Variants in FBXL17 observed in about 807,000 individuals in gnomAD.
FBXL17 encodes the protein F-box and leucine rich repeat protein 17.
FBXL17 carries 22 observed loss-of-function variants against 66.2 expected under a neutral mutation model. That is an observed-to-expected ratio of 0.33 (90% CI 0.24 to 0.47). FBXL17 has a LOEUF of 0.47. Among genes scored for constraint, FBXL17 ranks in the 20% least tolerant of loss-of-function variants. The pLI, the probability that FBXL17 is intolerant of heterozygous loss-of-function variation, is 1.00. For synonymous variants in FBXL17, 474 were observed against 400.5 expected (o/e 1.18, Z -2.19); for missense variants, 878 against 948.2 (o/e 0.93, Z 0.97).
intron 4 of FBXL17, among the ~76,000 whole-genome samples, chr5:108,347,607 T>C (rs1747367334): frequency 6.6e-6 from 1 of 152,164 alleles, no homozygotes; most frequent in Non-Finnish European, 1.5e-5. Flanking sequence ...ATTCCATTTA[T>C]ACAAAATATC....
chr5:108,115,923 T>C (rs2149958599), intron 6 of FBXL17, among the ~76,000 whole-genome samples: 1 of 152,300 alleles, frequency 6.6e-6, no homozygotes, highest in Non-Finnish European at 1.5e-5. Context: ...TTGTCCAAAA[T>C]CACACTGAAA....
chr5:108,337,741 G>C (rs1208603774), intron 4 of FBXL17, among the ~76,000 whole-genome samples: 1 of 150,254 alleles, frequency 6.7e-6, no homozygotes, highest in African/African-American at 2.4e-5. Flanking sequence ...ACAGAGACTA[G>C]TAACTGAAGA....
At chr5:108,109,361 C>T (rs1749942305) in intron 6 of FBXL17, among the ~76,000 whole-genome samples, 1 of 152,092 alleles carries the variant, frequency 6.6e-6, no homozygotes, top group Non-Finnish European at 1.5e-5. Context: ...AAGGAACATC[C>T]TCATGTCTGA....
intron 5 of FBXL17, among the ~76,000 whole-genome samples, chr5:108,207,144 C>T (rs1463228197): frequency 3.3e-5 from 5 of 151,994 alleles, no homozygotes; most frequent in Non-Finnish European, 7.4e-5. Context: ...GTGGTCTCCC[C>T]GACCCCCTCA....
intron 7 of FBXL17, among the ~76,000 whole-genome samples, chr5:108,004,837 C>CTA (rs1400649953): frequency 2.6e-5 from 4 of 152,082 alleles, no homozygotes; most frequent in African/African-American, 9.7e-5. Flanking sequence ...AGACAGAATT[C>CTA]GTAGCGTATT....
rs549524487 is a variant in FBXL17, at chr5:108,230,853, G to A, written c.1507-6625C>T. On this transcript the variant is annotated intron_variant, in intron 4 of 8. Coordinates refer to ENST00000542267, the MANE Select transcript of FBXL17 (RefSeq NM_001163315.3). Reference sequence around the variant, plus strand: ...AAATAGGGTGCAGTGTATACTGCCCGGGTGATGGGTGCACCAAAATCTCAC... The same window carrying A: ...AAATAGGGTGCAGTGTATACTGCCCAGGTGATGGGTGCACCAAAATCTCAC... Among the ~76,000 whole-genome samples, 14 of 152,134 alleles carry A rather than the reference G, an allele frequency of 9.2e-5. No individual in the cohort carries two copies. The South Asian group carries it at 1.0e-3, about 11-fold the overall frequency.
intron 6 of FBXL17, among the ~76,000 whole-genome samples, chr5:108,061,374 A>G (rs1241092110): frequency 6.6e-6 from 1 of 152,220 alleles, no homozygotes; most frequent in African/African-American, 2.4e-5. Context: ...CTTAGTACCA[A>G]TGAGATGATT....
intron 7 of FBXL17, among the ~76,000 whole-genome samples, chr5:107,932,035 G>T (rs1750753816): frequency 6.6e-6 from 1 of 152,134 alleles, no homozygotes; most frequent in Non-Finnish European, 1.5e-5. Context: ...TGGGGCTCAT[G>T]AATCTGCATT....
At chr5:108,034,136 T>C (rs917527930) in intron 6 of FBXL17, among the ~76,000 whole-genome samples, 3 of 152,190 alleles carry the variant, frequency 2.0e-5, no homozygotes, top group African/African-American at 7.2e-5. Flanking sequence ...CCAAGCAACC[T>C]ACATATCCAG....
intron 5 of FBXL17, among the ~76,000 whole-genome samples, chr5:108,186,499 C>T (rs908085801): frequency 1.3e-5 from 2 of 150,606 alleles, no homozygotes; most frequent in African/African-American, 2.4e-5. Context: ...TGGCCAGGCG[C>T]GGTGGCTCAC....
At chr5:108,017,489 C>T (rs141472733) in intron 7 of FBXL17, among the ~76,000 whole-genome samples, 104 of 152,260 alleles carry the variant, frequency 6.8e-4, no homozygotes, top group African/African-American at 2.4e-3. Context: ...TAGTGAGTGT[C>T]GACTATGCCA....
rs1019655870 is a variant in FBXL17, at chr5:108,299,344, T to A, written c.1506+49055A>T. The A allele has an allele frequency of 3.0e-6, 3 of 984,782 alleles. No homozygotes were observed. The African/African-American group carries it at 5.2e-5, about 17-fold the overall frequency. The allele number at this position is 984,782 out of a possible 1,614,324, so 61.0% of individuals were successfully genotyped here. On this transcript the variant is annotated intron_variant, in intron 4 of 8. Coordinates refer to ENST00000542267, the MANE Select transcript of FBXL17 (RefSeq NM_001163315.3). Reference sequence around the variant, plus strand: ...CCTACCTCAAGATACCATTAAAGTATATTTTGTACATACATAGTACAGTTT... The same window carrying A: ...CCTACCTCAAGATACCATTAAAGTAAATTTTGTACATACATAGTACAGTTT...
intron 1 of FBXL17, among the ~76,000 whole-genome samples, chr5:108,373,765 AAAAT>A (rs1749226417): frequency 6.6e-6 from 1 of 152,058 alleles, no homozygotes; most frequent in Non-Finnish European, 1.5e-5. Context: ...AAAAAATGAC[AAAAT>A]TAGCCAGCCA....
chr5:108,135,687 T>C (rs1751105272), intron 6 of FBXL17, among the ~76,000 whole-genome samples: 1 of 152,150 alleles, frequency 6.6e-6, no homozygotes, highest in South Asian at 2.1e-4. Flanking sequence ...TTCTAAAAGG[T>C]GACATGTGCA....
chr5:108,256,000 AT>A (rs1293959245), intron 4 of FBXL17, among the ~76,000 whole-genome samples: 1 of 152,198 alleles, frequency 6.6e-6, no homozygotes, highest in East Asian at 1.9e-4. Flanking sequence ...TCTGCAAATC[AT>A]AAGCAAGACC....
chr5:107,954,013 T>C (rs1751582820), intron 7 of FBXL17, among the ~76,000 whole-genome samples: 1 of 152,216 alleles, frequency 6.6e-6, no homozygotes, highest in East Asian at 1.9e-4. Flanking sequence ...AAGTTTATGA[T>C]TAGTAGGTAC....
At chr5:108,265,748 G>T (rs2150131284) in intron 4 of FBXL17, among the ~76,000 whole-genome samples, 1 of 152,182 alleles carries the variant, frequency 6.6e-6, no homozygotes, top group East Asian at 1.9e-4. Context: ...TTCTAAACCA[G>T]AGCATCTCAA....
At position 108,069,097 on chromosome 5, in the gene FBXL17, C is replaced by T. The variant is rs1375362813; in HGVS notation, c.1746-48096G>A. Among the ~76,000 whole-genome samples the T allele has an allele frequency of 3.3e-5, 5 of 152,242 alleles. No homozygotes were observed. The East Asian group carries it at 7.7e-4, about 24-fold the overall frequency. Reference sequence around the variant, plus strand: ...TACACACACAAACATACACACACCCCTCACAGTCTACAGGAAGAAATATTT... The same window carrying T: ...TACACACACAAACATACACACACCCTTCACAGTCTACAGGAAGAAATATTT... On this transcript the variant is annotated intron_variant, in intron 6 of 8. Transcript: ENST00000542267.
intron 4 of FBXL17, among the ~76,000 whole-genome samples, chr5:108,242,064 T>C (rs751615311): frequency 9.2e-5 from 14 of 152,136 alleles, no homozygotes; most frequent in Non-Finnish European, 2.1e-4. Flanking sequence ...TGAGCAAGAA[T>C]ACATCATCTG....
Sources: allele counts gnomAD v4.1 joint callset (sites outside exome capture counted in the v4.1 genomes callset), GRCh38; gene constraint gnomAD v4.1.1; transcripts MANE v1.5; gene names NCBI Gene and HGNC (gene_info 2026-07-23, HGNC 2026-07-21).